PLG: variants seen among roughly 807,000 people sequenced by gnomAD.
PLG encodes plasminogen, also known as plasmin.
Under a neutral mutation model 104.4 loss-of-function variants are expected in PLG, and 41 were observed. The ratio of observed to expected loss-of-function variants is 0.39; its 90% confidence interval spans 0.31 to 0.51. The LOEUF is 0.51. PLG is among the 20% of genes least tolerant of loss of function. The pLI, the probability that PLG is intolerant of heterozygous loss-of-function variation, is 0.76. For missense variants in PLG, 891 were observed against 1,003.6 expected, an observed-to-expected ratio of 0.89 and a Z score of 1.52; for synonymous variants, 337 against 357.1, an observed-to-expected ratio of 0.94 and a Z score of 0.63.
In PLG at chr6:160,740,919, C is replaced by T. The variant is rs1017495438; in HGVS notation, c.2019-392C>T. ...ACACAACACATTTGCAATTTTACAG[C>T]CTCTTGGTGGCATCTCAGTCAGACA... On this transcript the variant is annotated intron_variant, in intron 16 of 18. Coordinates refer to ENST00000308192, the MANE Select transcript of PLG (RefSeq NM_000301.5). The surrounding 1 kb of genome is among the most constrained non-coding windows in gnomAD (Gnocchi z 5.2). 3.3e-5 allele frequency among the ~76,000 whole-genome samples: 5 copies of T among 152,142 alleles called. No individual in the cohort carries two copies. Among genetic ancestry groups the T allele is most frequent in the African/African-American group, 1.2e-4 (5 of 41,422 alleles).
rs561156470 is a variant in PLG, at chr6:160,715,485, G to A, written c.668+571G>A. ...CCATCAGATTCTCTAAGGGGACCAC[G>A]AATTTAAAATAAGAATAAGCTTCTT... On this transcript the variant is annotated intron_variant, in intron 6 of 18. Coordinates refer to ENST00000308192, the MANE Select transcript of PLG (RefSeq NM_000301.5). Among the ~76,000 whole-genome samples the A allele has an allele frequency of 2.6e-5, 4 of 152,280 alleles. No homozygotes were observed. In the South Asian group the frequency reaches 6.2e-4, roughly 24 times the overall value.
chr6:160,712,848 C>T (rs1028832236), intron 4 of PLG, 138 bp from the exon 5 acceptor site: 3 of 731,570 alleles, frequency 4.1e-6, no homozygotes, highest in Non-Finnish European at 7.3e-6. Context: ...AATCTGACCA[C>T]ACAAATGCTG....
chr6:160,749,897 A>ACCG, intron 17 of PLG, among the ~76,000 whole-genome samples: 1 of 143,448 alleles, frequency 7.0e-6, no homozygotes, highest in South Asian at 2.5e-4. Context: ...CCACCATTCC[A>ACCG]CCACTGCCAC....
chr6:160,748,397 AAAGG>A (rs751389347), intron 17 of PLG, among the ~76,000 whole-genome samples: 10,268 of 53,482 alleles, frequency 0.19, 1,199 homozygotes, highest in Non-Finnish European at 0.21. Context: ...AGAAAGAAAG[AAAGG>A]AAGAAAGAAA....
chr6:160,703,623 T>C (rs185394954), intron 1 of PLG, among the ~76,000 whole-genome samples: 2 of 152,340 alleles, frequency 1.3e-5, no homozygotes, highest in Admixed American at 1.3e-4. Context: ...GTCAAATACA[T>C]TTGAATTTAG....
chr6:160,739,126 G>A lies in PLG; in HGVS notation c.1936G>A (p.Glu646Lys), dbSNP rs369196761. The A allele has an allele frequency of 8.1e-6, 13 of 1,614,030 alleles. No homozygotes were observed. Among genetic ancestry groups the A allele is most frequent in the East Asian group, 4.5e-5 (2 of 44,880 alleles). The change falls in exon 16 of 19, where the codon GAA becomes AAA. Residue 646 changes from glutamate to lysine, a missense_variant. Glu to Lys is a moderately conservative substitution (Grantham distance 56). Transcript: ENST00000308192. This position sits in a 1 kb window ranked among gnomAD's most constrained non-coding sequence, Gnocchi z 4.4. ...GGGTGCACACCAAGAAGTGAATCTC[G>A]AACCGCATGTTCAGGAAATAGAAGT... ...ILGAHQEVNL[E>K]PHVQEIEVSR...
In PLG at chr6:160,741,480, T is replaced by C; in HGVS notation, c.2125+63T>C. ...TTGACCTACAGTCCATGTGACAAAA[T>C]GATCATTTTGGAGAAAGCTGTGCAA... On this transcript the variant is annotated intron_variant, in intron 17 of 18. Coordinates refer to ENST00000308192, the MANE Select transcript of PLG (RefSeq NM_000301.5). This position sits in a 1 kb window ranked among gnomAD's most constrained non-coding sequence, Gnocchi z 4.7. 1.0e-6 allele frequency: 1 copy of C among 985,066 alleles called. No individual in the cohort carries two copies. The highest frequency in any genetic ancestry group is 1.6e-6 in the Non-Finnish European group (1 of 611,124). 61.0% of individuals were successfully genotyped at this position (985,066 alleles called of 1,614,324 possible).
At position 160,714,817 on chromosome 6, in the gene PLG, G is replaced by T. The variant is rs1005986976; in HGVS notation, c.571G>T (p.Glu191Ter). ...AGAGGAATGTATGCATTGCAGTGGAGAAAACTATGACGGCAAAATTTCCAA... is the reference window on the plus strand; with the variant it reads ...AGAGGAATGTATGCATTGCAGTGGATAAAACTATGACGGCAAAATTTCCAA... ...CEEECMHCSG[E>*]NYDGKISKTM... Residue 191 changes from glutamate (E) to a stop codon, truncating the protein, a stop_gained, in exon 6 of 19, where the codon GAA becomes TAA. Coordinates refer to ENST00000308192, the MANE Select transcript of PLG (RefSeq NM_000301.5). LOFTEE classifies it high-confidence loss of function. 1.9e-6 allele frequency: 3 copies of T among 1,613,814 alleles called. No individual in the cohort carries two copies. Among genetic ancestry groups the T allele is most frequent in the Non-Finnish European group, 2.5e-6 (3 of 1,179,730 alleles).
rs4252128 is a variant in PLG, at chr6:160,731,787, C to T, written c.1481C>T (p.Ala494Val). 8,462 of 1,613,724 alleles carry T rather than the reference C, an allele frequency of 5.2e-3. 121 individuals are homozygous for T. The highest frequency in any genetic ancestry group is 0.028 in the Middle Eastern group (171 of 6,062). Residue 494 changes from alanine to valine, a missense_variant, in exon 12 of 19, where the codon GCG becomes GTG. Ala to Val is a moderately conservative substitution (Grantham distance 64, BLOSUM62 0). This residue lies in a region of PLG where 854 missense variants were observed against 932.1 expected (regional missense o/e 0.92). Coordinates refer to ENST00000308192, the MANE Select transcript of PLG (RefSeq NM_000301.5). This position sits in a 1 kb window ranked among gnomAD's most constrained non-coding sequence, Gnocchi z 5.1. ...GNGKGYRGKR[A>V]TTVTGTPCQD... ...GGGAAAGGATACCGAGGCAAGAGGG[C>T]GACCACTGTTACTGGGACGCCATGC...
At position 160,718,791 on chromosome 6, in the gene PLG, C is replaced by T. The variant is rs982446880; in HGVS notation, c.1049C>T (p.Pro350Leu). The T allele has an allele frequency of 2.3e-5, 37 of 1,613,508 alleles. No homozygotes were observed. The highest frequency in any genetic ancestry group is 2.9e-5 in the Non-Finnish European group (34 of 1,179,634). The part of the protein sequence containing the change: ...SQVRWEYCKI[P>L]SCDSSPVSTE... ...GTGCGGTGGGAGTACTGTAAGATAC[C>T]GTCCTGTGACTCCTCCCCAGTATCC... is the stretch of plus-strand genomic sequence containing the variant. The change falls in exon 9 of 19, where the codon CCG becomes CTG. Residue 350 changes from proline (P) to leucine (L), a missense_variant. By Grantham distance (98) the Pro-to-Leu change is moderately conservative. This residue lies in a region of PLG where 854 missense variants were observed against 932.1 expected (regional missense o/e 0.92). Coordinates refer to ENST00000308192, the MANE Select transcript of PLG (RefSeq NM_000301.5).
intron 17 of PLG, 143 bp from the exon 18 acceptor site, chr6:160,751,972 T>C: frequency 2.7e-6 from 2 of 737,166 alleles, no homozygotes; most frequent in South Asian, 2.9e-5. Flanking sequence ...CTCTGCAGGG[T>C]CAGAGACTCC....
At chr6:160,751,804 T>C (rs1384231179) in intron 17 of PLG, among the ~76,000 whole-genome samples, 6 of 152,178 alleles carry the variant, frequency 3.9e-5, no homozygotes, top group Admixed American at 6.5e-5. Context: ...TATATAAAAA[T>C]AGCAATTGCA....
In PLG at chr6:160,738,530, C is replaced by T; in HGVS notation, c.1803-8C>T. 6 of 1,583,372 alleles carry T rather than the reference C, an allele frequency of 3.8e-6. No individual in the cohort carries two copies. The highest frequency in any genetic ancestry group is 5.2e-6 in the Non-Finnish European group (6 of 1,151,958). ...TTAACTAAAATTTGAACTAAATCCT[C>T]TTTCCAGGTTTGGAATGCACTTCTG... is the stretch of plus-strand genomic sequence containing the variant. On this transcript the variant is annotated splice_polypyrimidine_tract_variant and splice_region_variant and intron_variant, in intron 14 of 18. Transcript: ENST00000308192. The surrounding 1 kb of genome is among the most constrained non-coding windows in gnomAD (Gnocchi z 6.8).
rs546757784 is a variant in PLG, at chr6:160,736,705, G to A, written c.1682-182G>A. 2.0e-5 allele frequency among the ~76,000 whole-genome samples: 3 copies of A among 152,244 alleles called. No individual in the cohort carries two copies. In the South Asian group the frequency reaches 6.2e-4, roughly 32 times the overall value. ...GTGCTTATATTTTCTTGAAAAGAGAGGGTCCTGTGTTGTCTACTACCACTT... is the reference window on the plus strand; with the variant it reads ...GTGCTTATATTTTCTTGAAAAGAGAAGGTCCTGTGTTGTCTACTACCACTT... On this transcript the variant is annotated intron_variant, in intron 13 of 18. Coordinates refer to ENST00000308192, the MANE Select transcript of PLG (RefSeq NM_000301.5). The surrounding 1 kb of genome is among the most constrained non-coding windows in gnomAD (Gnocchi z 5.2).
intron 6 of PLG, among the ~76,000 whole-genome samples, chr6:160,716,324 A>G (rs1777729332): frequency 6.6e-6 from 1 of 152,202 alleles, no homozygotes; most frequent in African/African-American, 2.4e-5. Flanking sequence ...GCAGCCGGGC[A>G]TGGTGGCACA....
At chr6:160,706,951 T>TAAAAAA (rs370504830) in intron 2 of PLG, among the ~76,000 whole-genome samples, 2,064 of 142,322 alleles carry the variant, frequency 0.015, 61 homozygotes, top group African/African-American at 0.051. Context: ...GATATAATGT[T>TAAAAAA]AAAAAAAAAA....
chr6:160,711,454 T>C, intron 4 of PLG: 1 of 932,830 alleles, frequency 1.1e-6, no homozygotes, highest in Non-Finnish European at 1.6e-6. Context: ...TTTTCTGTCA[T>C]CTTTTTCAAG....
chr6:160,722,196 C>A (rs1055248855), intron 9 of PLG, among the ~76,000 whole-genome samples: 4 of 152,182 alleles, frequency 2.6e-5, no homozygotes, highest in African/African-American at 9.7e-5. Flanking sequence ...TCTATCTGTT[C>A]TTTCACACCC....
At position 160,754,011 on chromosome 6, in the gene PLG, A is replaced by T. The variant is rs1271027183; in HGVS notation, c.*950A>T. On this transcript the variant is annotated 3_prime_UTR_variant, in exon 19 of 19. Transcript: ENST00000308192. This position sits in a 1 kb window ranked among gnomAD's most constrained non-coding sequence, Gnocchi z 4.9. ...GAAATGCAGAGAAAAGCAAAACTGC[A>T]AGTGACTGTGAATAAAGGGTGAATG... Among the ~76,000 whole-genome samples, 5 of 152,254 alleles carry T rather than the reference A, an allele frequency of 3.3e-5. No individual in the cohort carries two copies. Among genetic ancestry groups the T allele is most frequent in the African/African-American group, 1.2e-4 (5 of 41,476 alleles).
Sources: gnomAD v4.1 joint callset for allele counts (sites outside exome capture counted in the v4.1 genomes callset) on GRCh38, gnomAD v4.1.1 for gene constraint, gnomAD v4.1.1 regional missense constraint, Gnocchi (gnomAD v3.1) non-coding constraint, MANE v1.5 for transcripts, NCBI Gene and HGNC (gene_info 2026-07-23, HGNC 2026-07-21) for gene names.